The following FOCAD variants were observed in gnomAD, a reference collection of about 807,000 sequenced individuals.
FOCAD encodes focadhesin.
In FOCAD, 198 loss-of-function variants were observed where a neutral mutation model predicts 225.6. The ratio of observed to expected loss-of-function variants is 0.88; its 90% confidence interval spans 0.78 to 0.99. FOCAD has a LOEUF of 0.99. Among genes scored for constraint, FOCAD ranks in the 50% least tolerant of loss-of-function variants. FOCAD has a pLI of 0.00. For missense variants in FOCAD, 2,713 were observed against 2,123.6 expected (o/e 1.28, Z -5.46); for synonymous variants, 897 against 755.0 (o/e 1.19, Z -3.08).
intron 11 of FOCAD, among the ~76,000 whole-genome samples, chr9:20,798,809 C>T (rs1821439555): frequency 6.6e-6 from 1 of 152,222 alleles, no homozygotes; most frequent in Non-Finnish European, 1.5e-5. Context: ...CTCCTGGATT[C>T]ATTGATTTTT....
intron 11 of FOCAD, among the ~76,000 whole-genome samples, chr9:20,813,799 G>A (rs1416411694): frequency 6.6e-6 from 1 of 152,062 alleles, no homozygotes; most frequent in East Asian, 1.9e-4. Context: ...CTGTCTGGAT[G>A]TTCTATCCAT....
intron 11 of FOCAD, among the ~76,000 whole-genome samples, chr9:20,802,122 G>A (rs1300618551): frequency 1.3e-5 from 2 of 152,134 alleles, no homozygotes; most frequent in Admixed American, 6.5e-5. Context: ...TAGTTAAGAA[G>A]TGATTTGGGA....
At chr9:20,728,302 G>C (rs1826384006) in intron 4 of FOCAD, among the ~76,000 whole-genome samples, 2 of 152,096 alleles carry the variant, frequency 1.3e-5, no homozygotes, top group Admixed American at 1.3e-4. Flanking sequence ...AGATATCTTG[G>C]ATAGACCCAA....
chr9:20,753,980 A>G (rs1828809491), intron 5 of FOCAD, among the ~76,000 whole-genome samples: 1 of 152,148 alleles, frequency 6.6e-6, no homozygotes, highest in Admixed American at 6.6e-5. Context: ...TTTGGGGATA[A>G]TTAGAAATTT....
intron 15 of FOCAD, among the ~76,000 whole-genome samples, chr9:20,832,561 CTT>C (rs998726242): frequency 1.8e-4 from 27 of 152,162 alleles, no homozygotes; most frequent in African/African-American, 5.8e-4. Flanking sequence ...TAATTACACT[CTT>C]TAAGTTATTT....
chr9:20,946,405 T>C (rs921396543), intron 29 of FOCAD, among the ~76,000 whole-genome samples: 1 of 152,180 alleles, frequency 6.6e-6, no homozygotes, highest in Non-Finnish European at 1.5e-5. Context: ...GTGAAGAAAT[T>C]TACTATTATG....
chr9:20,986,389 C>G lies in FOCAD; in HGVS notation c.4830C>G (p.His1610Gln). ...LTDMLSVAVQ[H>Q]REKEVLAWMI... ...ATATGCTGAGCGTTGCTGTGCAGCA[C>G]CGTGAGAAAGAGGTGTTGGCCTGGA... Residue 1610 changes from histidine (H) to glutamine (Q), a missense_variant, in exon 40 of 44, where the codon CAC (histidine) becomes CAG (glutamine). His to Gln is a conservative substitution (Grantham distance 24). Coordinates refer to ENST00000338382, the MANE Select transcript of FOCAD (RefSeq NM_001375567.1). 1 of 1,611,226 alleles carries G rather than the reference C, an allele frequency of 6.2e-7. No individual in the cohort carries two copies. The highest frequency in any genetic ancestry group is 8.5e-7 in the Non-Finnish European group (1 of 1,179,466).
chr9:20,921,487 C>T (rs1036434948), intron 24 of FOCAD, among the ~76,000 whole-genome samples: 6 of 152,134 alleles, frequency 3.9e-5, no homozygotes, highest in Non-Finnish European at 7.3e-5. Context: ...TCTCCAGCTC[C>T]TCCTTGAATT....
chr9:20,789,143 T>G (rs1820255545), intron 10 of FOCAD, among the ~76,000 whole-genome samples: 1 of 152,198 alleles, frequency 6.6e-6, no homozygotes, highest in African/African-American at 2.4e-5. Context: ...GATAAAACTC[T>G]TCTGGAGTTC....
At chr9:20,761,037 A>G (rs1353116946) in intron 6 of FOCAD, among the ~76,000 whole-genome samples, 4 of 151,976 alleles carry the variant, frequency 2.6e-5, no homozygotes, top group Non-Finnish European at 5.9e-5. Context: ...GGGCGTTACA[A>G]TTATTATTAT....
chr9:20,990,453 G>C (rs1841552749), intron 42 of FOCAD, 79 bp downstream of exon 42: 1 of 1,514,648 alleles, frequency 6.6e-7, no homozygotes, highest in Non-Finnish European at 9.0e-7. Flanking sequence ...ATTGAGGTGG[G>C]AGTTAAGTGC....
intron 21 of FOCAD, among the ~76,000 whole-genome samples, chr9:20,887,948 T>A (rs1831245251): frequency 6.6e-6 from 1 of 152,120 alleles, no homozygotes; most frequent in Non-Finnish European, 1.5e-5. Context: ...ACTAATGATG[T>A]TGAAGCATCT....
At chr9:20,827,947 C>A (rs918210042) in intron 15 of FOCAD, among the ~76,000 whole-genome samples, 1 of 151,894 alleles carries the variant, frequency 6.6e-6, no homozygotes, top group African/African-American at 2.4e-5. Flanking sequence ...CCAAGGTGGG[C>A]AGATGGCTTG....
chr9:20,751,853 A>T (rs1828580726), intron 5 of FOCAD, among the ~76,000 whole-genome samples: 1 of 144,334 alleles, frequency 6.9e-6, no homozygotes, highest in Non-Finnish European at 1.5e-5. Flanking sequence ...TGCCATTCTA[A>T]CTGGTGTGAG....
At chr9:20,679,115 CTGTGTATGTGTGTGTGTGTGTG>C (rs1243830102) in intron 2 of FOCAD, among the ~76,000 whole-genome samples, 21 of 93,050 alleles carry the variant, frequency 2.3e-4, no homozygotes, top group African/African-American at 8.1e-4. Flanking sequence ...AACAGACAGT[CTGTGTATGTGTGTGTGTGTGTG>C]TGTGTGTGTG....
chr9:20,720,258 C>T lies in FOCAD; in HGVS notation c.133-122C>T, dbSNP rs530158815. On this transcript the variant is annotated intron_variant, in intron 3 of 43. Coordinates refer to ENST00000338382, the MANE Select transcript of FOCAD (RefSeq NM_001375567.1). ...TCTAGGAACAGAGTGACAACAGCAT[C>T]ATCTTTATAAAGGAAAGCTAGCCTA... 5 of 935,286 alleles carry T rather than the reference C, an allele frequency of 5.3e-6. No homozygotes were observed. The East Asian group carries it at 1.2e-4, about 23-fold the overall frequency. 57.9% of individuals were successfully genotyped at this position (935,286 alleles called of 1,614,324 possible).
At chr9:20,834,133 C>T (rs1014680597) in intron 15 of FOCAD, among the ~76,000 whole-genome samples, 6 of 152,066 alleles carry the variant, frequency 3.9e-5, no homozygotes, top group East Asian at 1.9e-4. Context: ...AAAAGAACAA[C>T]ATCATGTCCA....
At chr9:20,986,266 A>ATTTTTGTTTTTTTTTT in intron 39 of FOCAD, 22 bp from the exon 40 acceptor site, 1 of 705,686 alleles carries the variant, frequency 1.4e-6, no homozygotes, top group South Asian at 2.9e-5. Context: ...TAACTAAACA[A>ATTTTTGTTTTTTTTTT]TTTTTTTTTT....
intron 20 of FOCAD, among the ~76,000 whole-genome samples, chr9:20,883,620 G>A (rs1448555603): frequency 6.6e-6 from 1 of 152,168 alleles, no homozygotes. Flanking sequence ...CCAGTTGGCT[G>A]AAAATTGAAC....
Sources: gnomAD v4.1 joint callset for allele counts (sites outside exome capture counted in the v4.1 genomes callset) on GRCh38, gnomAD v4.1.1 for gene constraint, MANE v1.5 for transcripts, NCBI Gene and HGNC (gene_info 2026-07-23, HGNC 2026-07-21) for gene names.